Variants in PPP3CA observed in about 807,000 individuals in gnomAD.
PPP3CA encodes protein phosphatase 3 catalytic subunit alpha.
In PPP3CA, 14 loss-of-function variants were observed where a neutral mutation model predicts 66.5. That is an observed-to-expected ratio of 0.21 (90% CI 0.14 to 0.33). PPP3CA has a LOEUF of 0.33. Ranked by LOEUF, PPP3CA falls within the 10% of genes least tolerant of loss-of-function variation. PPP3CA has a pLI of 1.00. For missense variants in PPP3CA, 317 were observed against 639.5 expected, an observed-to-expected ratio of 0.50 and a Z score of 5.44; for synonymous variants, 232 against 226.2, an observed-to-expected ratio of 1.03 and a Z score of -0.23.
intron 1 of PPP3CA, among the ~76,000 whole-genome samples, chr4:101,259,056 T>G (rs1269405560): frequency 6.6e-6 from 1 of 151,968 alleles, no homozygotes; most frequent in Non-Finnish European, 1.5e-5. Context: ...GAACCAGAGG[T>G]GTTCTTCAGT....
chr4:101,343,900 A>G (rs1729899430), intron 1 of PPP3CA, among the ~76,000 whole-genome samples: 2 of 152,206 alleles, frequency 1.3e-5, no homozygotes, highest in South Asian at 4.1e-4. Context: ...CTTTATTTGT[A>G]AATAGCAATT....
intron 1 of PPP3CA, among the ~76,000 whole-genome samples, chr4:101,213,695 T>G (rs1725374072): frequency 6.6e-6 from 1 of 152,130 alleles, no homozygotes; most frequent in Non-Finnish European, 1.5e-5. Flanking sequence ...AGTGTTCGTT[T>G]TATAGATTAA....
At chr4:101,100,363 TA>T (rs1442351558) in intron 3 of PPP3CA, among the ~76,000 whole-genome samples, 1 of 152,110 alleles carries the variant, frequency 6.6e-6, no homozygotes, top group Non-Finnish European at 1.5e-5. Flanking sequence ...ACCTGATTTT[TA>T]AAAATAATTA....
At chr4:101,067,643 G>C (rs1332193043) in intron 8 of PPP3CA, among the ~76,000 whole-genome samples, 1 of 136,936 alleles carries the variant, frequency 7.3e-6, no homozygotes, top group Non-Finnish European at 1.5e-5. Context: ...AGCAATGAAT[G>C]ACAAGAGTAG....
At chr4:101,135,693 TAAC>T (rs1722599772) in intron 2 of PPP3CA, among the ~76,000 whole-genome samples, 1 of 152,234 alleles carries the variant, frequency 6.6e-6, no homozygotes, top group African/African-American at 2.4e-5. Context: ...AATTCATTTA[TAAC>T]AAGAAAACCA....
At chr4:101,073,682 AATCATT>A (rs1252394775) in intron 8 of PPP3CA, among the ~76,000 whole-genome samples, 4 of 151,978 alleles carry the variant, frequency 2.6e-5, no homozygotes, top group Non-Finnish European at 4.4e-5. Flanking sequence ...TAGGCTTAAT[AATCATT>A]AAGAATAAAT....
At chr4:101,217,291 C>T (rs1215537047) in intron 1 of PPP3CA, among the ~76,000 whole-genome samples, 1 of 152,036 alleles carries the variant, frequency 6.6e-6, no homozygotes, top group African/African-American at 2.4e-5. Context: ...GGTTAAATAA[C>T]CTGTTCAGGT....
chr4:101,065,308 G>T (rs1728635903), intron 8 of PPP3CA, among the ~76,000 whole-genome samples: 1 of 152,002 alleles, frequency 6.6e-6, no homozygotes, highest in Non-Finnish European at 1.5e-5. Context: ...TCAGAACACT[G>T]AATGTTCACA....
At chr4:101,214,418 C>G (rs1303081410) in intron 1 of PPP3CA, among the ~76,000 whole-genome samples, 6 of 152,068 alleles carry the variant, frequency 3.9e-5, no homozygotes, top group Non-Finnish European at 8.8e-5. Flanking sequence ...TTATCATTAT[C>G]ATTATGAGAC....
At chr4:101,167,735 C>A (rs1468553781) in intron 2 of PPP3CA, among the ~76,000 whole-genome samples, 1 of 152,034 alleles carries the variant, frequency 6.6e-6, no homozygotes, top group African/African-American at 2.4e-5. Context: ...TAAACACAGA[C>A]ACAGAAGGTC....
At chr4:101,155,580 T>C (rs749169462) in intron 2 of PPP3CA, among the ~76,000 whole-genome samples, 2 of 152,194 alleles carry the variant, frequency 1.3e-5, no homozygotes, top group South Asian at 2.1e-4. Context: ...GGAGAGACAG[T>C]TCCTTTCTCC....
At chr4:101,216,233 C>T (rs915591166) in intron 1 of PPP3CA, among the ~76,000 whole-genome samples, 14 of 152,046 alleles carry the variant, frequency 9.2e-5, no homozygotes, top group Non-Finnish European at 2.1e-4. Flanking sequence ...ACGTTGTACC[C>T]TGTAAGGGAA....
chr4:101,324,284 C>G (rs1241093461), intron 1 of PPP3CA, among the ~76,000 whole-genome samples: 2 of 151,842 alleles, frequency 1.3e-5, no homozygotes, highest in Admixed American at 1.3e-4. Flanking sequence ...TTGACCATGG[C>G]AACAGGGCAA....
rs115296173 is a variant in PPP3CA, at chr4:101,347,185, C to A, written c.-389G>T. On this transcript the variant is annotated 5_prime_UTR_variant, in exon 1 of 14. Transcript: ENST00000394854. Reference sequence around the variant, plus strand: ...GGAGACCCAGCACCGCGGAATGGAGCCCCACGCGCGCACACACGGCCAGGA... The same window carrying A: ...GGAGACCCAGCACCGCGGAATGGAGACCCACGCGCGCACACACGGCCAGGA... 1,447 of 356,832 alleles carry A rather than the reference C, an allele frequency of 4.1e-3. 17 individuals are homozygous for A. The highest frequency in any genetic ancestry group is 0.03 in the African/African-American group (1,315 of 44,122). 22.1% of individuals were successfully genotyped at this position (356,832 alleles called of 1,614,324 possible).
chr4:101,126,419 T>C (rs1288690419), intron 2 of PPP3CA, among the ~76,000 whole-genome samples: 1 of 152,216 alleles, frequency 6.6e-6, no homozygotes, highest in Admixed American at 6.5e-5. Flanking sequence ...TTTCCATATT[T>C]CTCTTTCCAC....
At chr4:101,100,547 T>C (rs1444379238) in intron 3 of PPP3CA, among the ~76,000 whole-genome samples, 2 of 152,138 alleles carry the variant, frequency 1.3e-5, no homozygotes, top group Admixed American at 6.6e-5. Context: ...TACATCTACA[T>C]TTGACACAGC....
At chr4:101,183,676 C>T (rs751094318) in intron 2 of PPP3CA, among the ~76,000 whole-genome samples, 8 of 152,090 alleles carry the variant, frequency 5.3e-5, no homozygotes, top group Non-Finnish European at 1.0e-4. Context: ...AAGTTACATG[C>T]TATAAAATGG....
intron 10 of PPP3CA, 39 bp downstream of exon 10, chr4:101,061,048 C>G: frequency 6.5e-7 from 1 of 1,530,274 alleles, no homozygotes; most frequent in Non-Finnish European, 9.0e-7. Flanking sequence ...AAGTAATTAT[C>G]TGGCAAATAG....
intron 3 of PPP3CA, among the ~76,000 whole-genome samples, chr4:101,101,050 G>A (rs180680691): frequency 9.2e-4 from 140 of 152,108 alleles, no homozygotes; most frequent in South Asian, 6.8e-3. Flanking sequence ...TTATCTCTAG[G>A]TAATTATGAT....
Sources: gnomAD v4.1 joint callset for allele counts (sites outside exome capture counted in the v4.1 genomes callset) on GRCh38, gnomAD v4.1.1 for gene constraint, MANE v1.5 for transcripts, NCBI Gene and HGNC (gene_info 2026-07-23, HGNC 2026-07-21) for gene names.